The following ZNF846 variants were observed in gnomAD, a reference collection of about 807,000 sequenced individuals.
ZNF846 encodes zinc finger protein 846.
A neutral mutation model predicts 16.0 loss-of-function variants in ZNF846; 15 were observed. The observed-to-expected ratio is 0.94, with a 90% CI of 0.63 to 1.45. The LOEUF (loss-of-function observed/expected upper bound fraction) is 1.45, where lower values mean the gene tolerates loss of function less well. Ranked by LOEUF, ZNF846 falls within the 40% of genes most tolerant of loss-of-function variation. ZNF846 has a pLI of 0.00. For synonymous variants in ZNF846, 229 were observed against 212.0 expected, an observed-to-expected ratio of 1.08 and a Z score of -0.70; for missense variants, 714 against 622.3, an observed-to-expected ratio of 1.15 and a Z score of -1.57.
At chr19:9,774,789 C>G (rs182902464) in intron 1 of ZNF846, 41 of 1,593,442 alleles carry the variant, frequency 2.6e-5, no homozygotes, top group Non-Finnish European at 3.5e-5. Flanking sequence ...TGGAAGCCAG[C>G]AACCAAAACC....
At chr19:9,762,315 A>T in intron 3 of ZNF846, 147 bp from the exon 4 acceptor site, 1 of 636,246 alleles carries the variant, frequency 1.6e-6, no homozygotes, top group Non-Finnish European at 2.8e-6. Context: ...TAACATTTCC[A>T]ATACATGCAC....
intron 4 of ZNF846, among the ~76,000 whole-genome samples, chr19:9,761,788 A>T (rs2045234537): frequency 6.6e-6 from 1 of 152,114 alleles, no homozygotes; most frequent in African/African-American, 2.4e-5. Context: ...AAGCAAAAAG[A>T]TGGGAGAATC....
At chr19:9,758,734 C>A in exon 6 of ZNF846, 1 of 1,585,832 alleles carries the variant, frequency 6.3e-7, no homozygotes, top group South Asian at 1.1e-5. Flanking sequence ...TGGTTAGAGT[C>A]ATACAGTTTC....
At chr19:9,750,986 C>A (rs750108681), downstream of ZNF846, among the ~76,000 whole-genome samples, 1 of 152,092 alleles carries the variant, frequency 6.6e-6, no homozygotes, top group Non-Finnish European at 1.5e-5. Flanking sequence ...TCAAAAAACT[C>A]AAAAACAGAG....
upstream of ZNF846, among the ~76,000 whole-genome samples, chr19:9,771,470 G>A (rs943299227): frequency 3.3e-5 from 5 of 152,070 alleles, no homozygotes; most frequent in East Asian, 1.9e-4. Flanking sequence ...GAGCCACTGC[G>A]CCCACCCAAA....
chr19:9,763,538 T>C lies in ZNF846; in HGVS notation c.16-130A>G, dbSNP rs141709323. 327 of 743,412 alleles carry C rather than the reference T, an allele frequency of 4.4e-4. No homozygotes were observed. The African/African-American group carries it at 5.5e-3, about 13-fold the overall frequency. The allele number at this position is 743,412 out of a possible 1,614,324, so 46.1% of individuals were successfully genotyped here. A position where few individuals can be genotyped will look rare whatever the true frequency, so the allele number is the denominator to read the frequency against. On this transcript the variant is annotated intron_variant, in intron 2 of 5. Transcript: ENST00000397902. ...CAGGCCTCAGGCCTCTTCTCCTCTATATAGATATTGTCTTGCAATGGCATC... is the reference window on the plus strand; with the variant it reads ...CAGGCCTCAGGCCTCTTCTCCTCTACATAGATATTGTCTTGCAATGGCATC...
intron 1 of ZNF846, among the ~76,000 whole-genome samples, chr19:9,781,262 A>C (rs1035718444): frequency 6.6e-6 from 1 of 151,966 alleles, no homozygotes; most frequent in African/African-American, 2.4e-5. Flanking sequence ...GAGTAGCTGG[A>C]ATTACAGGCA....
chr19:9,769,445 G>C (rs776101888), upstream of ZNF846, among the ~76,000 whole-genome samples: 2 of 151,978 alleles, frequency 1.3e-5, no homozygotes, highest in African/African-American at 2.4e-5. Context: ...TACCCAGGCT[G>C]ATCTGGAACT....
intron 1 of ZNF846, among the ~76,000 whole-genome samples, chr19:9,774,123 A>G (rs984317554): frequency 1.3e-5 from 2 of 152,222 alleles, no homozygotes; most frequent in African/African-American, 4.8e-5. Flanking sequence ...TTCTTCTATA[A>G]GATGACTTAA....
At chr19:9,770,478 CTCT>C (rs886587789), upstream of ZNF846, among the ~76,000 whole-genome samples, 1 of 135,850 alleles carries the variant, frequency 7.4e-6, no homozygotes, top group Non-Finnish European at 1.5e-5. Flanking sequence ...ATTGGGTTTT[CTCT>C]TTTTTTTTTT....
At chr19:9,759,384 T>C (rs2045185474) in intron 5 of ZNF846, among the ~76,000 whole-genome samples, 1 of 151,572 alleles carries the variant, frequency 6.6e-6, no homozygotes, top group Non-Finnish European at 1.5e-5. Context: ...GGTGGATTGC[T>C]TTGAGCTCAG....
upstream of ZNF846, chr19:9,768,654 T>TA (rs1568326999): frequency 6.6e-6 from 1 of 152,362 alleles, no homozygotes; most frequent in Non-Finnish European, 1.5e-5. Context: ...TAGGCCCTCC[T>TA]GCCCCGCCCT....
chr19:9,759,859 C>T lies in ZNF846; in HGVS notation c.312+1G>A, dbSNP rs200420689. 1.2e-6 allele frequency: 2 copies of T among 1,609,598 alleles called. No homozygotes were observed. Among genetic ancestry groups the T allele is most frequent in the Admixed American group, 1.7e-5 (1 of 59,702 alleles). On this transcript the variant is annotated splice_donor_variant, in intron 5 of 5. Coordinates refer to ENST00000397902, the Ensembl canonical transcript of ZNF846. LOFTEE classifies it high-confidence loss of function. Reference sequence around the variant, plus strand: ...AAGATTTCATCCCTTGGAAATCTTACCAATTGTACTCCATTTGGTGATCTT... The same window carrying T: ...AAGATTTCATCCCTTGGAAATCTTATCAATTGTACTCCATTTGGTGATCTT...
chr19:9,779,894 T>A (rs906272531), intron 1 of ZNF846, among the ~76,000 whole-genome samples: 1 of 150,538 alleles, frequency 6.6e-6, no homozygotes, highest in African/African-American at 2.5e-5. Context: ...TTTTTTTTTT[T>A]AGATAGGCTG....
At chr19:9,762,034 TAGG>T (rs2045239236) in intron 4 of ZNF846, 45 bp downstream of exon 4, 1 of 1,486,448 alleles carries the variant, frequency 6.7e-7, no homozygotes, top group Admixed American at 1.7e-5. Flanking sequence ...GCATGTCTCC[TAGG>T]GTGGCACAGC....
downstream of ZNF846, chr19:9,756,343 G>T (rs543560390): frequency 5.6e-5 from 4 of 71,182 alleles, no homozygotes; most frequent in East Asian, 1.6e-3. Flanking sequence ...GTGTGTGTGT[G>T]TGTATATATA....
At chr19:9,756,386 A>AT (rs1310666218), downstream of ZNF846, 10 of 83,652 alleles carry the variant, frequency 1.2e-4, no homozygotes, top group African/African-American at 3.1e-4. Flanking sequence ...TATATATATA[A>AT]AGACATTCCC....
At chr19:9,765,797 G>T (rs1316982144) in intron 1 of ZNF846, among the ~76,000 whole-genome samples, 1 of 151,880 alleles carries the variant, frequency 6.6e-6, no homozygotes, top group African/African-American at 2.4e-5. Context: ...TTGTCCAGGG[G>T]GTGGCTCATG....
At chr19:9,776,138 C>A (rs2045438744) in intron 1 of ZNF846, among the ~76,000 whole-genome samples, 1 of 152,176 alleles carries the variant, frequency 6.6e-6, no homozygotes, top group African/African-American at 2.4e-5. Flanking sequence ...CATGGTCTAG[C>A]GGTAGCGAAA....
Sources: gnomAD v4.1 joint callset for allele counts (sites outside exome capture counted in the v4.1 genomes callset) on GRCh38, gnomAD v4.1.1 for gene constraint, MANE v1.5 for transcripts, NCBI Gene and HGNC (gene_info 2026-07-23, HGNC 2026-07-21) for gene names.